SLC12A2: variants seen among roughly 807,000 people sequenced by gnomAD.
The protein encoded by SLC12A2 is Na-K-2Cl cotransporter 1.
A neutral mutation model predicts 136.3 loss-of-function variants in SLC12A2; 67 were observed. The ratio of observed to expected loss-of-function variants is 0.49; its 90% CI spans 0.40 to 0.60. SLC12A2 has a LOEUF of 0.60. Ranked by LOEUF, SLC12A2 falls within the 20% of genes least tolerant of loss-of-function variation. The pLI, the probability that SLC12A2 is intolerant of heterozygous loss-of-function variation, is 0.00. For synonymous variants in SLC12A2, 619 were observed against 562.9 expected, an observed-to-expected ratio of 1.10 and a Z score of -1.41; for missense variants, 1,322 against 1,534.7, an observed-to-expected ratio of 0.86 and a Z score of 2.32.
chr5:128,139,102 G>T (rs1561681897), intron 9 of SLC12A2, among the ~76,000 whole-genome samples, 194 bp downstream of exon 9: 2 of 151,836 alleles, frequency 1.3e-5, no homozygotes, highest in Non-Finnish European at 2.9e-5. Flanking sequence ...TATCTAAACC[G>T]CCAAATGCTT....
intron 10 of SLC12A2, among the ~76,000 whole-genome samples, chr5:128,145,012 CATT>C (rs1277639652): frequency 6.6e-6 from 1 of 151,780 alleles, no homozygotes; most frequent in African/African-American, 2.4e-5. Flanking sequence ...CATTGAATAT[CATT>C]ATCCTTGCTG....
At chr5:128,138,790 C>A in intron 8 of SLC12A2, 34 bp from the exon 9 acceptor site, 1 of 1,601,070 alleles carries the variant, frequency 6.2e-7, no homozygotes, top group Non-Finnish European at 8.5e-7. Context: ...TTTATTTTTA[C>A]AGATAGACTT....
chr5:128,147,493 G>A (rs563904148), intron 10 of SLC12A2, 129 bp from the exon 11 acceptor site: 44 of 587,360 alleles, frequency 7.5e-5, no homozygotes, highest in South Asian at 3.3e-4. Flanking sequence ...TGCACATAGC[G>A]TTGTTGTTAT....
At chr5:128,146,191 G>C in intron 10 of SLC12A2, among the ~76,000 whole-genome samples, 1 of 151,862 alleles carries the variant, frequency 6.6e-6, no homozygotes, top group Non-Finnish European at 1.5e-5. Context: ...TCATTTTGAA[G>C]TATTTAATGC....
intron 1 of SLC12A2, among the ~76,000 whole-genome samples, chr5:128,091,247 A>G (rs1760305533): frequency 6.6e-6 from 1 of 152,134 alleles, no homozygotes; most frequent in South Asian, 2.1e-4. Context: ...CCCCCTATTT[A>G]GAATGGAGTT....
At chr5:128,167,690 GTT>G in intron 17 of SLC12A2, 69 bp from the exon 18 acceptor site, 1 of 1,092,560 alleles carries the variant, frequency 9.2e-7, no homozygotes, top group East Asian at 2.5e-5. Flanking sequence ...TTGGAGGACA[GTT>G]TTATCACTTC....
At chr5:128,109,286 G>A (rs957691580) in intron 1 of SLC12A2, among the ~76,000 whole-genome samples, 14 of 152,236 alleles carry the variant, frequency 9.2e-5, no homozygotes, top group African/African-American at 3.4e-4. Context: ...TCACCTAGGC[G>A]TGCCAGGGCA....
chr5:128,152,620 CATGTT>C (rs958648199), intron 14 of SLC12A2, 81 bp from the exon 15 acceptor site: 1 of 833,230 alleles, frequency 1.2e-6, no homozygotes, highest in African/African-American at 1.7e-5. Context: ...AATGTGAAAG[CATGTT>C]TAATTCTCTA....
rs764157245 is a variant in SLC12A2, at chr5:128,178,568, A to C, written c.2979A>C (p.Glu993Asp). 2 of 1,560,534 alleles carry C rather than the reference A, an allele frequency of 1.3e-6. No homozygotes were observed. Among genetic ancestry groups the C allele is most frequent in the Non-Finnish European group, 1.7e-6 (2 of 1,160,420 alleles). ...TTTATATTTTGCTTAATCCTTTAGAATCCAAAGGCCCTATTGTGCCTTTAA... is the reference window on the plus strand; with the variant it reads ...TTTATATTTTGCTTAATCCTTTAGACTCCAAAGGCCCTATTGTGCCTTTAA... The part of the protein sequence containing the change: ...KTATQPLLKK[E>D]SKGPIVPLNV... Residue 993 changes from glutamate (E) to aspartate (D), a missense_variant and splice_region_variant, in exon 22 of 27, where the codon GAA (glutamate) becomes GAC (aspartate). This residue lies in a region of SLC12A2 where 226 missense variants were observed against 210.4 expected (regional missense o/e 1.07). Transcript: ENST00000262461.
intron 5 of SLC12A2, 31 bp from the exon 6 acceptor site, chr5:128,134,134 T>A: frequency 8.7e-7 from 1 of 1,150,966 alleles, no homozygotes; most frequent in Non-Finnish European, 1.3e-6. Flanking sequence ...TAACTAGTAT[T>A]GCTTATTATA....
intron 22 of SLC12A2, among the ~76,000 whole-genome samples, chr5:128,180,012 C>A (rs1048323597): frequency 9.0e-6 from 1 of 111,010 alleles, no homozygotes; most frequent in Admixed American, 1.3e-4. Flanking sequence ...TTCTGCCACC[C>A]AGGCTGGAGT....
At chr5:128,132,539 T>C (rs1405249942) in intron 5 of SLC12A2, among the ~76,000 whole-genome samples, 1 of 152,248 alleles carries the variant, frequency 6.6e-6, no homozygotes, top group Non-Finnish European at 1.5e-5. Flanking sequence ...TAGAGCTGGC[T>C]GTATTGCTCT....
At chr5:128,184,011 G>A (rs1222251499) in intron 24 of SLC12A2, among the ~76,000 whole-genome samples, 2 of 151,928 alleles carry the variant, frequency 1.3e-5, no homozygotes, top group Non-Finnish European at 2.9e-5. Context: ...CATTATACCT[G>A]CTGGTTTAGC....
chr5:128,148,877 GGTTA>G lies in SLC12A2; in HGVS notation c.2005+5_2005+8del. Reference sequence around the variant, plus strand: ...AATTGCACTTGGATTCATCTTAATTGGTTAGTTATATAAATGGTGTGTTATTGTA... The same window carrying G: ...AATTGCACTTGGATTCATCTTAATTGGTTATATAAATGGTGTGTTATTGTA... On this transcript the variant is annotated splice_donor_variant and splice_donor_region_variant and intron_variant, in intron 12 of 26. Transcript: ENST00000262461. LOFTEE classifies it high-confidence loss of function. 6.3e-7 allele frequency: 1 copy of G among 1,590,318 alleles called. No homozygotes were observed.
intron 1 of SLC12A2, among the ~76,000 whole-genome samples, chr5:128,099,820 C>G (rs1398498133): frequency 3.3e-5 from 5 of 152,152 alleles, no homozygotes; most frequent in African/African-American, 1.2e-4. Context: ...AGAAGGTCTT[C>G]AAGCACTATA....
chr5:128,086,300 TTG>T (rs976295093), intron 1 of SLC12A2, among the ~76,000 whole-genome samples: 2 of 152,194 alleles, frequency 1.3e-5, no homozygotes, highest in Non-Finnish European at 2.9e-5. Flanking sequence ...AACTTTAGAT[TTG>T]TGTGTTTGTG....
rs879598781 is a variant in SLC12A2, at chr5:128,110,425, G to A, written c.757-2389G>A. ...GCTGTCTTGAGAGGGCAAGACAGCC[G>A]CAAAGGAGACTTGAGCTGGTTAAAC... On this transcript the variant is annotated intron_variant, in intron 1 of 26. Coordinates refer to ENST00000262461, the MANE Select transcript of SLC12A2 (RefSeq NM_001046.3). The A allele has an allele frequency of 7.6e-5, 84 of 1,112,062 alleles. No individual in the cohort carries two copies. The Middle Eastern group carries it at 1.8e-3, about 23-fold the overall frequency. 68.9% of individuals were successfully genotyped at this position (1,112,062 alleles called of 1,614,324 possible). A position where few individuals can be genotyped will look rare whatever the true frequency, so the allele number is the denominator to read the frequency against.
At chr5:128,135,652 T>C in intron 6 of SLC12A2, 48 bp from the exon 7 acceptor site, 1 of 1,177,272 alleles carries the variant, frequency 8.5e-7, no homozygotes, top group Non-Finnish European at 1.3e-6. Context: ...TGAATCAAGA[T>C]ATAGAAACAA....
At chr5:128,131,023 C>T (rs1421518396) in intron 4 of SLC12A2, 44 bp from the exon 5 acceptor site, 2 of 1,593,880 alleles carry the variant, frequency 1.3e-6, no homozygotes, top group Admixed American at 1.7e-5. Context: ...ATTTTAAATC[C>T]TAACTTTAGT....
Sources: allele counts gnomAD v4.1 joint callset (sites outside exome capture counted in the v4.1 genomes callset), GRCh38; gene constraint gnomAD v4.1.1; regional missense constraint gnomAD v4.1.1; transcripts MANE v1.5; gene names NCBI Gene and HGNC (gene_info 2026-07-23, HGNC 2026-07-21).